The following WSCD1 variants were observed in gnomAD, a reference collection of about 807,000 sequenced individuals.
WSCD1 encodes WSC domain sialate O sulfotransferase 1.
WSCD1 carries 41 observed loss-of-function variants against 60.4 expected under a neutral mutation model. That is an observed-to-expected ratio of 0.68 (90% CI 0.53 to 0.88). The LOEUF (loss-of-function observed/expected upper bound fraction) is 0.88. WSCD1 is among the 40% of genes least tolerant of loss of function. The probability of loss-of-function intolerance (pLI) is 0.00; values close to 1 mark genes in which losing one functional copy is unlikely to be tolerated. For synonymous variants in WSCD1, 361 were observed against 332.5 expected, an observed-to-expected ratio of 1.09 and a Z score of -0.93; for missense variants, 784 against 796.2, an observed-to-expected ratio of 0.98 and a Z score of 0.18.
chr17:6,095,561 G>T (rs530236404), intron 5 of WSCD1, among the ~76,000 whole-genome samples: 1 of 152,378 alleles, frequency 6.6e-6, no homozygotes, highest in South Asian at 2.1e-4. Flanking sequence ...GGGACTTGGG[G>T]ATAGCTGATG....
chr17:6,079,350 T>TA (rs1232649923), intron 1 of WSCD1, among the ~76,000 whole-genome samples: 1 of 152,184 alleles, frequency 6.6e-6, no homozygotes, highest in African/African-American at 2.4e-5. Flanking sequence ...GTCCTTGTGC[T>TA]AAGGGCTTTG....
rs544728824 is a variant in WSCD1, at chr17:6,080,670, T to G, written c.12T>G (p.Pro4=). The stretch of plus-strand genomic sequence containing the variant: ...TGCTGCCCAGGGGCATGGCCAAACC[T>G]TTCTTCCGACTCCAGAAGTTTCTCC... The part of the protein sequence containing the change: MAK[P]FFRLQKFLRR... The change falls in exon 2 of 9, where the codon CCT becomes CCG. Residue 4 remains proline, a synonymous_variant. Transcript: ENST00000317744. This position sits in a 1 kb window ranked among gnomAD's most constrained non-coding sequence, Gnocchi z 6.6. 6 of 1,613,560 alleles carry G rather than the reference T, an allele frequency of 3.7e-6. No individual in the cohort carries two copies. In the African/African-American group the frequency reaches 5.3e-5, roughly 14 times the overall value.
intron 4 of WSCD1, among the ~76,000 whole-genome samples, chr17:6,091,922 C>G (rs752595427): frequency 6.6e-6 from 1 of 152,100 alleles, no homozygotes; most frequent in African/African-American, 2.4e-5. Context: ...TTTGGGAGGC[C>G]AAGGCGGGCG....
chr17:6,099,759 G>A (rs866684243), intron 5 of WSCD1, among the ~76,000 whole-genome samples: 22 of 151,974 alleles, frequency 1.4e-4, no homozygotes, highest in African/African-American at 5.1e-4. Context: ...CGCAGACACC[G>A]CTTCCTCCAG....
chr17:6,117,108 G>A (rs773209726), intron 7 of WSCD1, among the ~76,000 whole-genome samples: 7 of 152,174 alleles, frequency 4.6e-5, no homozygotes, highest in Non-Finnish European at 8.8e-5. Context: ...CTAACATAGT[G>A]AGCACATAAT....
chr17:6,096,049 G>A (rs187815228), intron 5 of WSCD1, among the ~76,000 whole-genome samples: 2 of 152,296 alleles, frequency 1.3e-5, no homozygotes, highest in East Asian at 1.9e-4. Flanking sequence ...TGATGATGAC[G>A]ATTATGACAA....
chr17:6,098,806 T>C lies in WSCD1; in HGVS notation c.849+3583T>C, dbSNP rs76602623. ...GTGGGACTTGGCAAAACGCAAATGC[T>C]GAGACGGTGGGCACAGCCAGGGGCA... On this transcript the variant is annotated intron_variant, in intron 5 of 8. Coordinates refer to ENST00000317744, the MANE Select transcript of WSCD1 (RefSeq NM_015253.2). Among the ~76,000 whole-genome samples, 1,057 of 152,278 alleles carry C rather than the reference T, an allele frequency of 6.9e-3. 11 individuals carry two copies. The highest frequency in any genetic ancestry group is 0.024 in the African/African-American group (1,010 of 41,558).
chr17:6,079,752 A>C (rs1040741592), intron 1 of WSCD1, among the ~76,000 whole-genome samples: 6 of 152,166 alleles, frequency 3.9e-5, no homozygotes, highest in African/African-American at 1.4e-4. Context: ...TGCATATATC[A>C]AGCATCTGCA....
rs1904853578 is a variant in WSCD1 at position 6,123,807 on chromosome 17, G to A, written c.*3146G>A. On this transcript the variant is annotated 3_prime_UTR_variant, in exon 9 of 9. Coordinates refer to ENST00000317744, the MANE Select transcript of WSCD1 (RefSeq NM_015253.2). ...TTGGTCTGAACAAGGTGGGGATAAA[G>A]TAGAGTGGAAATAATGTAGAGTCGT... 6.6e-6 allele frequency: 1 copy of A among 152,198 alleles called. No homozygotes were observed. The highest frequency in any genetic ancestry group is 1.5e-5 in the Non-Finnish European group (1 of 68,024). The allele number at this position is 152,198 out of a possible 1,614,324, so 9.4% of individuals were successfully genotyped here.
rs955571035 is a variant in WSCD1, at chr17:6,122,699, T to A, written c.*2038T>A. ...AGTGACCGGGACTGGAGCCAGGGTC[T>A]GGGGAGAGCAACAGCACCAGGCTTT... is the stretch of plus-strand genomic sequence containing the variant. On this transcript the variant is annotated 3_prime_UTR_variant, in exon 9 of 9. Transcript: ENST00000317744. The A allele has an allele frequency of 6.6e-6, 1 of 152,324 alleles. No homozygotes were observed. The highest frequency in any genetic ancestry group is 6.5e-5 in the Admixed American group (1 of 15,276). The allele number at this position is 152,324 out of a possible 1,614,324, so 9.4% of individuals were successfully genotyped here. A position where few individuals can be genotyped will look rare whatever the true frequency, so the allele number is the denominator to read the frequency against.
At chr17:6,103,456 G>A (rs1910915751) in intron 5 of WSCD1, among the ~76,000 whole-genome samples, 1 of 152,184 alleles carries the variant, frequency 6.6e-6, no homozygotes, top group Admixed American at 6.5e-5. Context: ...TCTTCTGTCT[G>A]AAGGATGTTT....
chr17:6,111,426 C>T (rs986100645), intron 7 of WSCD1, among the ~76,000 whole-genome samples: 2 of 152,274 alleles, frequency 1.3e-5, no homozygotes, highest in East Asian at 1.9e-4. Flanking sequence ...GGAGGCCAGG[C>T]GCAGTGGCTC....
Position 6,110,632 on chromosome 17 carries a change from C to A in WSCD1, c.1010-139C>A. 8.6e-7 allele frequency: 1 copy of A among 1,168,188 alleles called. No homozygotes were observed. The highest frequency in any genetic ancestry group is 2.1e-4 in the Middle Eastern group (1 of 4,840). 72.4% of individuals were successfully genotyped at this position (1,168,188 alleles called of 1,614,324 possible). A position where few individuals can be genotyped will look rare whatever the true frequency, so the allele number is the denominator to read the frequency against. Reference sequence around the variant, plus strand: ...TGCAGCTAAGGTATATTTGGAAGATCTCTTCCCTTCTTTGGGCCTTGGTTC... The same window carrying A: ...TGCAGCTAAGGTATATTTGGAAGATATCTTCCCTTCTTTGGGCCTTGGTTC... On this transcript the variant is annotated intron_variant, in intron 6 of 8. Transcript: ENST00000317744. This position sits in a 1 kb window ranked among gnomAD's most constrained non-coding sequence, Gnocchi z 4.8.
intron 2 of WSCD1, among the ~76,000 whole-genome samples, chr17:6,082,435 G>T (rs955684118): frequency 6.6e-6 from 1 of 152,232 alleles, no homozygotes; most frequent in Non-Finnish European, 1.5e-5. Context: ...GAAGTGGCAG[G>T]CCTGGGAGAC....
At chr17:6,088,425 A>T (rs1284225630) in intron 3 of WSCD1, among the ~76,000 whole-genome samples, 3 of 151,950 alleles carry the variant, frequency 2.0e-5, no homozygotes, top group Admixed American at 2.0e-4. Context: ...CATAGCAGGG[A>T]CTCAGCGTGT....
chr17:6,077,236 A>G (rs750469900), intron 1 of WSCD1, among the ~76,000 whole-genome samples: 4 of 151,840 alleles, frequency 2.6e-5, no homozygotes, highest in Non-Finnish European at 5.9e-5. Context: ...TTACAGGTGC[A>G]TGCCACCACA....
intron 5 of WSCD1, among the ~76,000 whole-genome samples, chr17:6,106,274 G>A (rs1911081213): frequency 6.6e-6 from 1 of 152,206 alleles, no homozygotes; most frequent in Non-Finnish European, 1.5e-5. Context: ...CATGAGAAAT[G>A]CAAACTTTTT....
chr17:6,081,126 C>T (rs1429563966), intron 2 of WSCD1, 41 bp downstream of exon 2: 1 of 1,500,646 alleles, frequency 6.7e-7, no homozygotes, highest in Non-Finnish European at 8.9e-7. Flanking sequence ...TTCCCAGGAC[C>T]CCCCATTCAG....
upstream of WSCD1, among the ~76,000 whole-genome samples, chr17:6,069,772 C>A: frequency 8.5e-6 from 1 of 118,066 alleles, no homozygotes; most frequent in East Asian, 2.7e-4. Flanking sequence ...GGACGGTGAT[C>A]CGGTGTGTGT....
Sources: gnomAD v4.1 joint callset for allele counts (sites outside exome capture counted in the v4.1 genomes callset) on GRCh38, gnomAD v4.1.1 for gene constraint, Gnocchi (gnomAD v3.1) non-coding constraint, MANE v1.5 for transcripts, NCBI Gene and HGNC (gene_info 2026-07-23, HGNC 2026-07-21) for gene names.